FABP3: variants seen among roughly 807,000 people sequenced by gnomAD.
FABP3 encodes the protein fatty acid binding protein 3.
A neutral mutation model predicts 13.4 loss-of-function variants in FABP3; 8 were observed. That is an observed-to-expected ratio of 0.60 (90% CI 0.35 to 1.07). The LOEUF is 1.07. FABP3 is among the 50% of genes least tolerant of loss of function. FABP3 has a pLI of 0.02. For synonymous variants in FABP3, 64 were observed against 60.0 expected (o/e 1.07, Z -0.31); for missense variants, 135 against 164.7 (o/e 0.82, Z 0.99).
intron 3 of FABP3, 127 bp downstream of exon 3, chr1:31,367,266 C>T: frequency 1.2e-6 from 1 of 803,286 alleles, no homozygotes; most frequent in Non-Finnish European, 2.2e-6. Flanking sequence ...ACCACCCTGA[C>T]CCACAACCAC....
rs3049341 is a variant in FABP3 at position 31,366,062 on chromosome 1, A to ATGTG, written c.349-127_349-124dup. 4,052 of 575,652 alleles carry ATGTG rather than the reference A, an allele frequency of 7.0e-3. 8 individuals are homozygous for ATGTG. Among genetic ancestry groups the ATGTG allele is most frequent in the Middle Eastern group, 0.015 (31 of 2,134 alleles). The allele number at this position is 575,652 out of a possible 1,614,324, so 35.7% of individuals were successfully genotyped here. A position where few individuals can be genotyped will look rare whatever the true frequency, so the allele number is the denominator to read the frequency against. On this transcript the variant is annotated intron_variant, in intron 3 of 3. Transcript: ENST00000373713. ...TACTATGTGCCGGCTATATGTATGT[A>ATGTG]TGTGTGTGTGTGTGTGTGTGTGTGT...
In FABP3 at chr1:31,365,693, A is replaced by G. The variant is rs1215104012; in HGVS notation, c.*193T>C. The G allele has an allele frequency of 3.7e-6, 2 of 541,086 alleles. No homozygotes were observed. Among genetic ancestry groups the G allele is most frequent in the Non-Finnish European group, 6.5e-6 (2 of 306,188 alleles). The allele number at this position is 541,086 out of a possible 1,614,324, so 33.5% of individuals were successfully genotyped here. A position where few individuals can be genotyped will look rare whatever the true frequency, so the allele number is the denominator to read the frequency against. On this transcript the variant is annotated 3_prime_UTR_variant, in exon 4 of 4. Coordinates refer to ENST00000373713, the MANE Select transcript of FABP3 (RefSeq NM_004102.5). ...TGCTTTATTGACCTCAGAGCACCCT[A>G]TGAGTGCAGTTAAAAAAAAAAAAAA... is the stretch of plus-strand genomic sequence containing the variant.
chr1:31,365,834 A>C lies in FABP3; in HGVS notation c.*52T>G, dbSNP rs2148493267. 1 of 1,521,040 alleles carries C rather than the reference A, an allele frequency of 6.6e-7. No homozygotes were observed. The highest frequency in any genetic ancestry group is 2.3e-5 in the East Asian group (1 of 44,398). 94.2% of individuals were successfully genotyped at this position (1,521,040 alleles called of 1,614,324 possible). On this transcript the variant is annotated 3_prime_UTR_variant, in exon 4 of 4. Transcript: ENST00000373713. ...GAAGAAATGAGGCAATGTGGTGCTG[A>C]GTCGAGGGGTAGCCGATTGGCAGAG... is the stretch of plus-strand genomic sequence containing the variant.
At position 31,373,069 on chromosome 1, in the gene FABP3, C is replaced by T. The variant is rs1262734638; in HGVS notation, c.-55G>A. On this transcript the variant is annotated 5_prime_UTR_variant, in exon 1 of 4. Transcript: ENST00000373713. ...ACAAGAGAGCAGGCGTGCAAGGGCT[C>T]CGACGGCGGCTCCCTGCCCGGGCTG... 3.2e-6 allele frequency: 5 copies of T among 1,555,576 alleles called. No individual in the cohort carries two copies. In the African/African-American group the frequency reaches 4.1e-5, roughly 13 times the overall value.
Position 31,365,663 on chromosome 1 carries a change from G to A in FABP3, c.*223C>T. On this transcript the variant is annotated 3_prime_UTR_variant, in exon 4 of 4. Transcript: ENST00000373713. ...GGCAAAAAGGCAACTGGGTGGCCTTGGCTCTGCTTTATTGACCTCAGAGCA... is the reference window on the plus strand; with the variant it reads ...GGCAAAAAGGCAACTGGGTGGCCTTAGCTCTGCTTTATTGACCTCAGAGCA... 1 of 485,418 alleles carries A rather than the reference G, an allele frequency of 2.1e-6. No homozygotes were observed. Among genetic ancestry groups the A allele is most frequent in the Non-Finnish European group, 3.7e-6 (1 of 267,470 alleles). 30.1% of individuals were successfully genotyped at this position (485,418 alleles called of 1,614,324 possible).
At chr1:31,360,084 A>G in the FABP3 span, among the ~76,000 whole-genome samples, 1 of 152,010 alleles carries the variant, frequency 6.6e-6, no homozygotes, top group African/African-American at 2.4e-5. Flanking sequence ...GGTTCAAGCA[A>G]TTCTCCTGCC....
downstream of FABP3, among the ~76,000 whole-genome samples, chr1:31,361,871 G>A (rs138302503): frequency 0.013 from 2,040 of 151,978 alleles, 49 homozygotes; most frequent in African/African-American, 0.046. Flanking sequence ...GAGTGCAGTG[G>A]CAGGATTATG....
At chr1:31,372,471 C>G (rs1403213139) in intron 1 of FABP3, among the ~76,000 whole-genome samples, 2 of 152,190 alleles carry the variant, frequency 1.3e-5, no homozygotes, top group African/African-American at 2.4e-5. Flanking sequence ...ATCTGATTCA[C>G]TGATCCACAG....
intron 1 of FABP3, 100 bp downstream of exon 1, chr1:31,372,842 C>T: frequency 1.7e-6 from 2 of 1,189,822 alleles, no homozygotes; most frequent in South Asian, 1.2e-5. Flanking sequence ...CCCTATTCCC[C>T]AGTCTTAACC....
At chr1:31,370,103 C>CAA (rs10645207) in intron 1 of FABP3, among the ~76,000 whole-genome samples, 63,756 of 139,058 alleles carry the variant, frequency 0.46, 16,481 homozygotes, top group Non-Finnish European at 0.6. Context: ...GATTCCACCT[C>CAA]AAAAAAAAAA....
chr1:31,360,633 T>G (rs1639847060), downstream of FABP3, among the ~76,000 whole-genome samples: 1 of 152,200 alleles, frequency 6.6e-6, no homozygotes, highest in Admixed American at 6.5e-5. Context: ...CCTTGAGCCC[T>G]TCTTGCTAGC....
In FABP3 at chr1:31,365,949, A is replaced by C. The variant is rs1337470720; in HGVS notation, c.349-10T>G. 6.2e-7 allele frequency: 1 copy of C among 1,613,476 alleles called. No individual in the cohort carries two copies. Among genetic ancestry groups the C allele is most frequent in the Non-Finnish European group, 8.5e-7 (1 of 1,179,778 alleles). ...TGCCGTGGGTGAGTGTCTGGAAGGAAAGACAGAGTGAGATGGGGGGTGGAG... is the reference window on the plus strand; with the variant it reads ...TGCCGTGGGTGAGTGTCTGGAAGGACAGACAGAGTGAGATGGGGGGTGGAG... On this transcript the variant is annotated splice_polypyrimidine_tract_variant and intron_variant, in intron 3 of 3. Transcript: ENST00000373713.
At chr1:31,362,511 G>A (rs1472593072), downstream of FABP3, among the ~76,000 whole-genome samples, 1 of 152,156 alleles carries the variant, frequency 6.6e-6, no homozygotes, top group Non-Finnish European at 1.5e-5. Context: ...GTATGGGTTT[G>A]TACTGTTACT....
downstream of FABP3, among the ~76,000 whole-genome samples, chr1:31,362,561 C>T (rs1403622640): frequency 2.0e-5 from 3 of 152,170 alleles, no homozygotes; most frequent in African/African-American, 7.2e-5. Flanking sequence ...TGGGAATGTT[C>T]TTTCTCAGCT....
intron 2 of FABP3, 53 bp downstream of exon 2, chr1:31,369,332 C>G: frequency 6.3e-7 from 1 of 1,579,942 alleles, no homozygotes; most frequent in Non-Finnish European, 8.6e-7. Flanking sequence ...CCAGCCTATT[C>G]TCTTTTAGAG....
chr1:31,369,750 A>G (rs1268339251), intron 1 of FABP3, among the ~76,000 whole-genome samples, 193 bp from the exon 2 acceptor site: 1 of 152,210 alleles, frequency 6.6e-6, no homozygotes, highest in Non-Finnish European at 1.5e-5. Context: ...TGATCCCATT[A>G]GATGAGAGAT....
downstream of FABP3, among the ~76,000 whole-genome samples, chr1:31,360,494 T>G (rs1639837824): frequency 6.6e-6 from 1 of 152,208 alleles, no homozygotes; most frequent in Admixed American, 6.5e-5. Context: ...ATGTGATTGT[T>G]CTTTTGTTCT....
chr1:31,360,721 A>T (rs1165741988), downstream of FABP3, among the ~76,000 whole-genome samples: 1 of 152,114 alleles, frequency 6.6e-6, no homozygotes, highest in Non-Finnish European at 1.5e-5. Context: ...TTCATCTTTG[A>T]GAGAGAACAA....
At chr1:31,359,924 A>C in the FABP3 span, among the ~76,000 whole-genome samples, 1 of 151,642 alleles carries the variant, frequency 6.6e-6, no homozygotes, top group South Asian at 2.1e-4. Flanking sequence ...AGCTTGGTTC[A>C]TCTTCTGGCT....
Sources: gnomAD v4.1 joint callset for allele counts (sites outside exome capture counted in the v4.1 genomes callset) on GRCh38, gnomAD v4.1.1 for gene constraint, MANE v1.5 for transcripts, NCBI Gene and HGNC (gene_info 2026-07-23, HGNC 2026-07-21) for gene names.